Variants in DDX10 observed in about 807,000 individuals in gnomAD.
DDX10 encodes the protein DEAD-box helicase 10, also known as probable ATP-dependent RNA helicase DDX10.
A neutral mutation model predicts 104.3 loss-of-function variants in DDX10; 74 were observed. That is an observed-to-expected ratio of 0.71 (90% CI 0.59 to 0.86). The LOEUF (loss-of-function observed/expected upper bound fraction) is 0.86, where lower values mean the gene tolerates loss of function less well. Ranked by LOEUF, DDX10 falls within the 40% of genes least tolerant of loss-of-function variation. The pLI is 0.00. For synonymous variants in DDX10, 351 were observed against 353.4 expected (o/e 0.99, Z 0.08); for missense variants, 952 against 1,040.0 (o/e 0.92, Z 1.16).
At chr11:108,799,134 A>G (rs984688472) in intron 13 of DDX10, among the ~76,000 whole-genome samples, 2 of 152,220 alleles carry the variant, frequency 1.3e-5, no homozygotes, top group Non-Finnish European at 2.9e-5. Context: ...TGTGATCTCA[A>G]CCATCCAAAG....
chr11:108,779,779 T>C (rs1415680588), intron 13 of DDX10, among the ~76,000 whole-genome samples: 1 of 152,222 alleles, frequency 6.6e-6, no homozygotes, highest in African/African-American at 2.4e-5. Context: ...AGCTGTTGGG[T>C]TGTTTCTGAA....
At position 108,852,177 on chromosome 11, in the gene DDX10, G is replaced by A. The variant is rs1174547808; in HGVS notation, c.2272G>A (p.Ala758Thr). Residue 758 changes from alanine to threonine, a missense_variant, in exon 16 of 18, where the codon GCC becomes ACC. Ala to Thr is a moderately conservative substitution (Grantham distance 58). Around this residue, in one of 3 missense-constraint regions of DDX10, gnomAD observed 533 missense variants for 534.1 expected, o/e 1.00. Transcript: ENST00000322536. Reference sequence around the variant, plus strand: ...GGAGAAAAGACTGAAAGAAAGGGAAGCCAGAAGAGAAGCCAACAAGAGACA... The same window carrying A: ...GGAGAAAAGACTGAAAGAAAGGGAAACCAGAAGAGAAGCCAACAAGAGACA... The part of the protein sequence containing the change: ...HREKRLKERE[A>T]RREANKRQAK... The A allele has an allele frequency of 1.9e-6, 3 of 1,611,276 alleles. No homozygotes were observed. Among genetic ancestry groups the A allele is most frequent in the Admixed American group, 3.3e-5 (2 of 59,746 alleles).
At chr11:108,893,558 C>A (rs1444374760) in intron 16 of DDX10, among the ~76,000 whole-genome samples, 1 of 151,446 alleles carries the variant, frequency 6.6e-6, no homozygotes, top group East Asian at 1.9e-4. Flanking sequence ...TTTGTGTTTT[C>A]CTTATAGCAG....
intron 13 of DDX10, among the ~76,000 whole-genome samples, chr11:108,775,402 C>A (rs964766680): frequency 6.6e-6 from 1 of 152,078 alleles, no homozygotes; most frequent in Non-Finnish European, 1.5e-5. Flanking sequence ...GTGATATACC[C>A]GTCTGTTCAA....
Position 108,678,429 on chromosome 11 carries a change from A to T in DDX10, c.652A>T (p.Met218Leu), listed in dbSNP as rs1158648922. Residue 218 changes from methionine to leucine, a missense_variant, in exon 5 of 18, where the codon ATG (methionine) becomes TTG (leucine). Met to Leu is a conservative substitution (Grantham distance 15). Coordinates refer to ENST00000322536, the MANE Select transcript of DDX10 (RefSeq NM_004398.4). ...ATCTTTTCATGCTACCGACCTCCAAATGTTAGGTGAGTCAAATCAATTTCT... is the reference window on the plus strand; with the variant it reads ...ATCTTTTCATGCTACCGACCTCCAATTGTTAGGTGAGTCAAATCAATTTCT... ...TVSFHATDLQ[M>L]LVLDEADRIL... 1 of 1,588,996 alleles carries T rather than the reference A, an allele frequency of 6.3e-7. No homozygotes were observed.
At position 108,810,979 on chromosome 11, in the gene DDX10, T is replaced by C. The variant is rs185883279; in HGVS notation, c.1966-27467T>C. On this transcript the variant is annotated intron_variant, in intron 13 of 17. Coordinates refer to ENST00000322536, the MANE Select transcript of DDX10 (RefSeq NM_004398.4). ...TTCTCATAGTACTTAAACATTCTTA[T>C]CATTTTTCCTTGTCTATCTCCAGTG... Among the ~76,000 whole-genome samples, 339 of 152,288 alleles carry C rather than the reference T, an allele frequency of 2.2e-3. 1 individual carries two copies. The highest frequency in any genetic ancestry group is 7.8e-3 in the African/African-American group (323 of 41,558).
At chr11:108,883,396 G>T (rs1863252895) in intron 16 of DDX10, among the ~76,000 whole-genome samples, 2 of 152,122 alleles carry the variant, frequency 1.3e-5, no homozygotes, top group South Asian at 2.1e-4. Flanking sequence ...CCCAACTGCA[G>T]TTTAAGGCCA....
intron 1 of DDX10, among the ~76,000 whole-genome samples, chr11:108,668,785 A>T (rs1477606467): frequency 6.6e-6 from 1 of 152,200 alleles, no homozygotes; most frequent in African/African-American, 2.4e-5. Flanking sequence ...ACAGTTTGAC[A>T]CGTTATATTA....
intron 13 of DDX10, among the ~76,000 whole-genome samples, chr11:108,812,377 T>C (rs1437472960): frequency 7.2e-5 from 11 of 152,218 alleles, no homozygotes; most frequent in African/African-American, 2.7e-4. Flanking sequence ...TGTTTTCAGT[T>C]GACTTTTTTC....
chr11:108,912,986 G>T (rs1205750719), intron 16 of DDX10, among the ~76,000 whole-genome samples: 1 of 152,020 alleles, frequency 6.6e-6, no homozygotes, highest in Non-Finnish European at 1.5e-5. Flanking sequence ...TTGGACAGTT[G>T]TGAGGTGATA....
intron 16 of DDX10, among the ~76,000 whole-genome samples, chr11:108,893,272 G>C (rs1421780556): frequency 6.6e-6 from 1 of 151,936 alleles, no homozygotes; most frequent in Non-Finnish European, 1.5e-5. Flanking sequence ...TGGATGGTAA[G>C]GGATATTTGG....
At chr11:108,801,523 A>G (rs570954485) in intron 13 of DDX10, among the ~76,000 whole-genome samples, 25 of 152,308 alleles carry the variant, frequency 1.6e-4, no homozygotes, top group African/African-American at 5.8e-4. Flanking sequence ...ACACTACACT[A>G]TGTGCTATAT....
chr11:108,819,649 A>G (rs1455344873), intron 13 of DDX10, among the ~76,000 whole-genome samples: 2 of 151,684 alleles, frequency 1.3e-5, no homozygotes, highest in Non-Finnish European at 2.9e-5. Flanking sequence ...CCCAGGCTGG[A>G]GTGCAATGGT....
intron 3 of DDX10, among the ~76,000 whole-genome samples, chr11:108,676,331 A>G (rs1298759988): frequency 6.6e-6 from 1 of 152,204 alleles, no homozygotes; most frequent in Non-Finnish European, 1.5e-5. Context: ...TGCAAAAACC[A>G]CTTTTCTCTT....
At chr11:108,891,813 G>A (rs1863379718) in intron 16 of DDX10, among the ~76,000 whole-genome samples, 1 of 152,130 alleles carries the variant, frequency 6.6e-6, no homozygotes, top group Non-Finnish European at 1.5e-5. Flanking sequence ...AGCAGGCATG[G>A]AGCCAGAATT....
In DDX10 at chr11:108,852,190, C is replaced by G. The variant is rs755460972; in HGVS notation, c.2285C>G (p.Ala762Gly). 4 of 1,611,134 alleles carry G rather than the reference C, an allele frequency of 2.5e-6. No homozygotes were observed. The highest frequency in any genetic ancestry group is 3.4e-6 in the Non-Finnish European group (4 of 1,178,256). Residue 762 changes from alanine (A) to glycine (G), a missense_variant, in exon 16 of 18, where the codon GCC (alanine) becomes GGC (glycine). Physicochemically the swap from Ala to Gly is moderately conservative, Grantham distance 60. Coordinates refer to ENST00000322536, the MANE Select transcript of DDX10 (RefSeq NM_004398.4). ...RLKEREARRE[A>G]NKRQAKAKDE... ...AAAGAAAGGGAAGCCAGAAGAGAAGCCAACAAGAGACAAGCAAAGGTAAGG... is the reference window on the plus strand; with the variant it reads ...AAAGAAAGGGAAGCCAGAAGAGAAGGCAACAAGAGACAAGCAAAGGTAAGG...
intron 16 of DDX10, among the ~76,000 whole-genome samples, chr11:108,864,208 G>T (rs1341574011): frequency 1.3e-5 from 2 of 152,072 alleles, no homozygotes; most frequent in Admixed American, 1.3e-4. Flanking sequence ...AGATACTTAG[G>T]ATTTAACCAG....
chr11:108,766,638 G>T (rs1185699522), intron 13 of DDX10, among the ~76,000 whole-genome samples: 1 of 152,168 alleles, frequency 6.6e-6, no homozygotes, highest in Non-Finnish European at 1.5e-5. Context: ...TTAACAAAAC[G>T]ATATGGAGGA....
At chr11:108,817,174 T>C (rs1163013417) in intron 13 of DDX10, among the ~76,000 whole-genome samples, 1 of 152,246 alleles carries the variant, frequency 6.6e-6, no homozygotes, top group East Asian at 1.9e-4. Flanking sequence ...CAGTGTTAAG[T>C]GAGGACTTGC....
Sources: gnomAD v4.1 joint callset for allele counts (sites outside exome capture counted in the v4.1 genomes callset) on GRCh38, gnomAD v4.1.1 for gene constraint, gnomAD v4.1.1 regional missense constraint, MANE v1.5 for transcripts, NCBI Gene and HGNC (gene_info 2026-07-23, HGNC 2026-07-21) for gene names.